The following SYT14 variants were observed in gnomAD, a reference collection of about 807,000 sequenced individuals.
SYT14 encodes synaptotagmin-14.
Under a neutral mutation model 74.2 loss-of-function variants are expected in SYT14, and 32 were observed. The observed-to-expected ratio is 0.43, with a 90% CI of 0.33 to 0.58. The LOEUF (loss-of-function observed/expected upper bound fraction) is 0.58, where lower values mean the gene tolerates loss of function less well. SYT14 is among the 20% of genes least tolerant of loss of function. SYT14 has a pLI of 0.05. For synonymous variants in SYT14, 298 were observed against 337.7 expected, an observed-to-expected ratio of 0.88 and a Z score of 1.29; for missense variants, 791 against 981.8, an observed-to-expected ratio of 0.81 and a Z score of 2.60.
At chr1:209,981,824 C>T (rs1304264138) in intron 2 of SYT14, among the ~76,000 whole-genome samples, 6 of 152,044 alleles carry the variant, frequency 3.9e-5, no homozygotes, top group Admixed American at 6.6e-5. Flanking sequence ...AAGTTTCTGC[C>T]GAGAGGCCTG....
intron 2 of SYT14, among the ~76,000 whole-genome samples, chr1:209,983,997 C>T (rs1449122968): frequency 6.6e-6 from 1 of 152,140 alleles, no homozygotes; most frequent in Admixed American, 6.5e-5. Context: ...AGACAAGGAC[C>T]TCTCAGAGGT....
At chr1:209,991,032 A>G (rs577097929) in intron 2 of SYT14, among the ~76,000 whole-genome samples, 13 of 152,290 alleles carry the variant, frequency 8.5e-5, no homozygotes, top group African/African-American at 2.4e-4. Context: ...TACACTGGGG[A>G]AAGGACACCC....
At chr1:209,952,849 T>C in intron 2 of SYT14, 93 bp downstream of exon 2, 2 of 1,282,994 alleles carry the variant, frequency 1.6e-6, no homozygotes, top group Non-Finnish European at 2.2e-6. Context: ...AATTTGTATT[T>C]ATGAAGTGTA....
chr1:210,048,206 T>C (rs890992791), intron 5 of SYT14, among the ~76,000 whole-genome samples: 13 of 152,196 alleles, frequency 8.5e-5, no homozygotes, highest in African/African-American at 3.1e-4. Flanking sequence ...ACTCCTGTCA[T>C]TTTTTATTTG....
intron 7 of SYT14, among the ~76,000 whole-genome samples, chr1:210,129,346 A>G (rs997399822): frequency 1.3e-5 from 2 of 152,192 alleles, no homozygotes; most frequent in East Asian, 1.9e-4. Flanking sequence ...CAGGTTTCAC[A>G]TAATGGCCGT....
At chr1:209,984,880 G>A (rs535592661) in intron 2 of SYT14, among the ~76,000 whole-genome samples, 4 of 152,210 alleles carry the variant, frequency 2.6e-5, no homozygotes, top group African/African-American at 9.6e-5. Context: ...GTGGGGAGGT[G>A]CCACACACTT....
intron 2 of SYT14, chr1:209,965,812 G>T: frequency 2.4e-6 from 1 of 410,342 alleles, no homozygotes; most frequent in South Asian, 1.8e-5. Flanking sequence ...TCCTTTCTGT[G>T]AAATGCCTTT....
At chr1:209,938,926 A>G (rs981158235) in intron 1 of SYT14, among the ~76,000 whole-genome samples, 1 of 152,176 alleles carries the variant, frequency 6.6e-6, no homozygotes, top group African/African-American at 2.4e-5. Context: ...CCATGAAAAG[A>G]AGTAAATAAC....
exon 10 of SYT14, chr1:210,161,467 G>A (rs1469447245): frequency 9.7e-5 from 44 of 454,210 alleles, no homozygotes; most frequent in Non-Finnish European, 1.8e-4. Context: ...CCAGTCCCTG[G>A]TGTTTGTAAT....
chr1:210,055,584 A>G (rs2081080736), intron 5 of SYT14, among the ~76,000 whole-genome samples: 1 of 152,002 alleles, frequency 6.6e-6, no homozygotes, highest in African/African-American at 2.4e-5. Flanking sequence ...TGGGAGGCTA[A>G]GTCAGGAAGA....
chr1:210,163,237 AACT>A (rs1372866339), exon 10 of SYT14: 2 of 439,668 alleles, frequency 4.5e-6, no homozygotes, highest in Non-Finnish European at 8.9e-6. Context: ...AAAAAGACCT[AACT>A]AATTGTTATT....
chr1:210,036,234 A>T (rs1276951796), intron 5 of SYT14, among the ~76,000 whole-genome samples: 1 of 151,722 alleles, frequency 6.6e-6, no homozygotes, highest in Non-Finnish European at 1.5e-5. Flanking sequence ...ATCTCAGCTT[A>T]TTGTTGGTGT....
chr1:210,118,552 A>T (rs1218151384), intron 7 of SYT14, among the ~76,000 whole-genome samples: 1 of 152,056 alleles, frequency 6.6e-6, no homozygotes, highest in African/African-American at 2.4e-5. Context: ...GTCTCGGCTC[A>T]CTGCAACCTC....
chr1:210,050,946 CT>C (rs1269556482), intron 5 of SYT14, among the ~76,000 whole-genome samples: 1 of 152,182 alleles, frequency 6.6e-6, no homozygotes, highest in African/African-American at 2.4e-5. Flanking sequence ...TCCTTTCTTC[CT>C]TTTAATCCTT....
At chr1:210,054,109 C>T (rs1350256781) in intron 5 of SYT14, among the ~76,000 whole-genome samples, 6 of 152,022 alleles carry the variant, frequency 3.9e-5, no homozygotes, top group Admixed American at 3.9e-4. Flanking sequence ...ATTTTCTCTG[C>T]AAGTTTTAAT....
intron 2 of SYT14, 68 bp from the exon 3 acceptor site, chr1:210,013,565 G>T (rs2080126130): frequency 7.1e-7 from 1 of 1,415,744 alleles, no homozygotes; most frequent in Admixed American, 1.9e-5. Flanking sequence ...TTAATGTTTG[G>T]GGTTTCCTTC....
At position 210,010,159 on chromosome 1, in the gene SYT14, C is replaced by T. The variant is rs183810987; in HGVS notation, c.-485-3474C>T. Among the ~76,000 whole-genome samples the T allele has an allele frequency of 1.8e-3, 272 of 152,258 alleles. 1 individual carries two copies. The highest frequency in any genetic ancestry group is 2.3e-3 in the Non-Finnish European group (158 of 68,000). The stretch of plus-strand genomic sequence containing the variant: ...TTTTAACCAATATAGTTCTACAAGG[C>T]AAACTTGTAATCATGTTACTCCCCA... On this transcript the variant is annotated intron_variant, in intron 2 of 9. Coordinates refer to ENST00000637265, the Ensembl canonical transcript of SYT14.
chr1:210,109,674 T>C (rs139084578), intron 7 of SYT14, among the ~76,000 whole-genome samples: 1 of 151,352 alleles, frequency 6.6e-6, no homozygotes, highest in African/African-American at 2.4e-5. Flanking sequence ...TTGGTGGGAG[T>C]GTAAATTAGT....
chr1:209,998,856 A>G (rs2079843812), intron 2 of SYT14, among the ~76,000 whole-genome samples: 1 of 152,064 alleles, frequency 6.6e-6, no homozygotes, highest in Non-Finnish European at 1.5e-5. Flanking sequence ...AGAAAAAAGG[A>G]GAAATACTTC....
Sources: gnomAD v4.1 joint callset for allele counts (sites outside exome capture counted in the v4.1 genomes callset) on GRCh38, gnomAD v4.1.1 for gene constraint, MANE v1.5 for transcripts, NCBI Gene and HGNC (gene_info 2026-07-23, HGNC 2026-07-21) for gene names.